Variants in C21orf91 observed in about 807,000 individuals in gnomAD.
C21orf91 encodes chromosome 21 open reading frame 91, also known as protein EURL homolog.
C21orf91 carries 26 observed loss-of-function variants against 32.9 expected under a neutral mutation model. The observed-to-expected ratio is 0.79, with a 90% CI of 0.58 to 1.10. The LOEUF is 1.10. Ranked by LOEUF, C21orf91 falls within the 50% of genes least tolerant of loss-of-function variation. The probability of loss-of-function intolerance (pLI) is 0.00; values close to 1 mark genes in which losing one functional copy is unlikely to be tolerated. For synonymous variants in C21orf91, 126 were observed against 120.4 expected (o/e 1.05, Z -0.31); for missense variants, 310 against 341.3 (o/e 0.91, Z 0.72).
rs947621262 is a variant in C21orf91 at position 17,790,544 on chromosome 21, T to A, written c.*2871A>T. The A allele has an allele frequency of 1.3e-5, 2 of 152,070 alleles. No homozygotes were observed. The highest frequency in any genetic ancestry group is 2.4e-5 in the African/African-American group (1 of 41,442). The allele number at this position is 152,070 out of a possible 1,614,324, so 9.4% of individuals were successfully genotyped here. A position where few individuals can be genotyped will look rare whatever the true frequency, so the allele number is the denominator to read the frequency against. Reference sequence around the variant, plus strand: ...AATAATCCTTAAATGTATATAAAAATGGGCACTTTGTGGTAAAATGAACAT... The same window carrying A: ...AATAATCCTTAAATGTATATAAAAAAGGGCACTTTGTGGTAAAATGAACAT... On this transcript the variant is annotated 3_prime_UTR_variant, in exon 5 of 5. Transcript: ENST00000284881.
chr21:17,807,174 TACGCAATGTTGG>T (rs2062602009), intron 2 of C21orf91, among the ~76,000 whole-genome samples: 1 of 152,214 alleles, frequency 6.6e-6, no homozygotes, highest in Non-Finnish European at 1.5e-5. Flanking sequence ...CAAATTGTAA[TACGCAATGTTGG>T]AGGAGGGCGC....
chr21:17,818,663 G>A (rs534570249), intron 1 of C21orf91, among the ~76,000 whole-genome samples: 10 of 152,262 alleles, frequency 6.6e-5, no homozygotes, highest in Non-Finnish European at 1.3e-4. Flanking sequence ...AGAGGGCTTA[G>A]CAGCGAGGCC....
At chr21:17,812,792 G>C (rs949296069) in intron 2 of C21orf91, among the ~76,000 whole-genome samples, 6 of 151,480 alleles carry the variant, frequency 4.0e-5, no homozygotes, top group African/African-American at 1.2e-4. Context: ...CTGGGTGACA[G>C]AGCGAGACTC....
At chr21:17,818,541 C>T (rs892584726) in intron 1 of C21orf91, among the ~76,000 whole-genome samples, 4 of 152,204 alleles carry the variant, frequency 2.6e-5, no homozygotes, top group African/African-American at 9.7e-5. Context: ...CCATAGGTGA[C>T]ACTATGTCCG....
chr21:17,811,348 A>T (rs1288088092), intron 2 of C21orf91: 6 of 152,204 alleles, frequency 3.9e-5, no homozygotes, highest in African/African-American at 1.2e-4. Context: ...TTTAGATAAG[A>T]GACTTACCTA....
At chr21:17,808,127 T>G (rs2062610206) in intron 2 of C21orf91, among the ~76,000 whole-genome samples, 1 of 152,200 alleles carries the variant, frequency 6.6e-6, no homozygotes, top group East Asian at 1.9e-4. Flanking sequence ...AAAGAATGGT[T>G]TCATGGCCTG....
intron 2 of C21orf91, among the ~76,000 whole-genome samples, chr21:17,817,242 C>A (rs575244693): frequency 3.9e-5 from 6 of 152,278 alleles, no homozygotes; most frequent in Non-Finnish European, 8.8e-5. Flanking sequence ...ATAATAATTT[C>A]TGAATAACAA....
intron 2 of C21orf91, among the ~76,000 whole-genome samples, chr21:17,803,147 C>T (rs1292417244): frequency 3.3e-5 from 5 of 152,176 alleles, no homozygotes; most frequent in African/African-American, 1.2e-4. Flanking sequence ...CAGTTGTTAA[C>T]ATGCTGTGAA....
chr21:17,803,850 G>A (rs1482856691), intron 2 of C21orf91, among the ~76,000 whole-genome samples: 1 of 151,696 alleles, frequency 6.6e-6, no homozygotes, highest in Admixed American at 6.6e-5. Context: ...GCACTCCCAC[G>A]GACTGAAAGC....
At chr21:17,800,573 C>G (rs1375436443) in intron 2 of C21orf91, among the ~76,000 whole-genome samples, 1 of 152,244 alleles carries the variant, frequency 6.6e-6, no homozygotes, top group African/African-American at 2.4e-5. Flanking sequence ...CATTTACAAG[C>G]GTAAACAGCT....
In C21orf91 at chr21:17,792,474, T is replaced by C. The variant is rs1033251309; in HGVS notation, c.*941A>G. 1.5e-5 allele frequency: 2 copies of C among 132,498 alleles called. No individual in the cohort carries two copies. Among genetic ancestry groups the C allele is most frequent in the Admixed American group, 7.7e-5 (1 of 13,044 alleles). 8.2% of individuals were successfully genotyped at this position (132,498 alleles called of 1,614,324 possible). ...CCCAAAGTGGCACACAAAATAATCT[T>C]ACTTTTTTTTTTCAAAGACAGAACA... On this transcript the variant is annotated 3_prime_UTR_variant, in exon 5 of 5. Transcript: ENST00000284881.
intron 2 of C21orf91, among the ~76,000 whole-genome samples, chr21:17,798,755 AG>A (rs1322905701): frequency 2.0e-5 from 3 of 152,206 alleles, no homozygotes; most frequent in African/African-American, 7.2e-5. Flanking sequence ...ATAAAAAGGA[AG>A]CTCACGAGCT....
intron 2 of C21orf91, among the ~76,000 whole-genome samples, chr21:17,799,972 G>A (rs1417318244): frequency 6.6e-6 from 1 of 152,146 alleles, no homozygotes; most frequent in Non-Finnish European, 1.5e-5. Flanking sequence ...GGTAATTAAA[G>A]GTGTCTTTCA....
In C21orf91 at chr21:17,797,016, T is replaced by C; in HGVS notation, c.230A>G (p.Lys77Arg). The C allele has an allele frequency of 6.2e-7, 1 of 1,612,836 alleles. No homozygotes were observed. Among genetic ancestry groups the C allele is most frequent in the Non-Finnish European group, 8.5e-7 (1 of 1,178,910 alleles). ...LIANQGCPRS[K>R]LSKSTYEEVK... ...TTCTTCATAAGTACTTTTTGAAAGC[T>C]TAGATCGAGGACAACCCTGGTTTGC... Residue 77 changes from lysine (K) to arginine (R), a missense_variant, in exon 3 of 5, where the codon AAG (lysine) becomes AGG (arginine). By Grantham distance (26) the Lys-to-Arg change is conservative. Coordinates refer to ENST00000284881, the MANE Select transcript of C21orf91 (RefSeq NM_001100420.2).
intron 4 of C21orf91, among the ~76,000 whole-genome samples, chr21:17,794,283 A>G (rs1055990278): frequency 6.6e-6 from 1 of 152,202 alleles, no homozygotes; most frequent in Non-Finnish European, 1.5e-5. Flanking sequence ...TTTCTCATCT[A>G]AAAGGAAATA....
rs139720128 is a variant in C21orf91 at position 17,807,787 on chromosome 21, G to T, written c.127+10405C>A. On this transcript the variant is annotated intron_variant, in intron 2 of 4. Coordinates refer to ENST00000284881, the MANE Select transcript of C21orf91 (RefSeq NM_001100420.2). ...AAGGGATCTGTGGACCTTTGAACTTGAGAGTGATGATTTAGGCTATCTGGT... is the reference window on the plus strand; with the variant it reads ...AAGGGATCTGTGGACCTTTGAACTTTAGAGTGATGATTTAGGCTATCTGGT... Among the ~76,000 whole-genome samples, 490 of 152,314 alleles carry T rather than the reference G, an allele frequency of 3.2e-3. 3 individuals are homozygous for T. Among genetic ancestry groups the T allele is most frequent in the Middle Eastern group, 0.01 (3 of 294 alleles).
At chr21:17,799,740 G>A (rs577943273) in intron 2 of C21orf91, among the ~76,000 whole-genome samples, 1 of 152,206 alleles carries the variant, frequency 6.6e-6, no homozygotes, top group African/African-American at 2.4e-5. Context: ...CTGACAAAAT[G>A]TAGGTTCTGT....
chr21:17,798,927 C>T (rs566126335), intron 2 of C21orf91, among the ~76,000 whole-genome samples: 1 of 152,282 alleles, frequency 6.6e-6, no homozygotes, highest in South Asian at 2.1e-4. Context: ...TGAAGCTTGC[C>T]TATTACTAAC....
chr21:17,803,436 G>C (rs1241677677), intron 2 of C21orf91, among the ~76,000 whole-genome samples: 2 of 152,112 alleles, frequency 1.3e-5, no homozygotes, highest in East Asian at 3.9e-4. Flanking sequence ...GCTTGGGCCA[G>C]AGAGGCACAG....
Sources: gnomAD v4.1 joint callset for allele counts (sites outside exome capture counted in the v4.1 genomes callset) on GRCh38, gnomAD v4.1.1 for gene constraint, MANE v1.5 for transcripts, NCBI Gene and HGNC (gene_info 2026-07-23, HGNC 2026-07-21) for gene names.